FHIP1A: variants seen among roughly 807,000 people sequenced by gnomAD.
FHIP1A encodes FHF complex subunit HOOK interacting protein 1A, also known as FHF complex subunit HOOK-interacting protein 1A.
FHIP1A carries 61 observed loss-of-function variants against 88.6 expected under a neutral mutation model. The ratio of observed to expected loss-of-function variants is 0.69; its 90% CI spans 0.56 to 0.85. The LOEUF (loss-of-function observed/expected upper bound fraction) is 0.85, where lower values mean the gene tolerates loss of function less well. FHIP1A is among the 40% of genes least tolerant of loss of function. FHIP1A has a pLI of 0.00. For missense variants in FHIP1A, 1,154 were observed against 1,273.5 expected (o/e 0.91, Z 1.43); for synonymous variants, 478 against 496.0 (o/e 0.96, Z 0.48).
At chr4:151,602,543 G>A (rs578262381) in intron 7 of FHIP1A, among the ~76,000 whole-genome samples, 28 of 152,264 alleles carry the variant, frequency 1.8e-4, no homozygotes, top group East Asian at 5.8e-4. Flanking sequence ...ACATTGTGCC[G>A]AACCTTGAAG....
chr4:151,448,219 T>C (rs1728675498), intron 1 of FHIP1A, among the ~76,000 whole-genome samples: 1 of 152,098 alleles, frequency 6.6e-6, no homozygotes, highest in South Asian at 2.1e-4. Context: ...GCACCTGGCC[T>C]AGCCTCCAGA....
intron 7 of FHIP1A, among the ~76,000 whole-genome samples, chr4:151,608,961 C>G (rs889870972): frequency 6.6e-6 from 1 of 152,154 alleles, no homozygotes; most frequent in African/African-American, 2.4e-5. Context: ...GTTTCGGCCT[C>G]TAATGTGTGA....
rs1402224590 is a variant in FHIP1A at position 151,665,733 on chromosome 4, G to A, written c.*2979G>A. Among the ~76,000 whole-genome samples, 2 of 152,228 alleles carry A rather than the reference G, an allele frequency of 1.3e-5. No individual in the cohort carries two copies. Among genetic ancestry groups the A allele is most frequent in the Non-Finnish European group, 2.9e-5 (2 of 68,040 alleles). ...CAGGAAAAAAATCATTGGCAATGAA[G>A]TAGAATATTCTGGTCCTAAAGTAAA... On this transcript the variant is annotated 3_prime_UTR_variant, in exon 14 of 14. Transcript: ENST00000435205.
intron 5 of FHIP1A, among the ~76,000 whole-genome samples, chr4:151,584,357 C>T (rs148733138): frequency 6.6e-6 from 1 of 152,248 alleles, no homozygotes; most frequent in African/African-American, 2.4e-5. Flanking sequence ...ATGATTGCTA[C>T]ACAGAGGGAT....
At chr4:151,533,299 C>T (rs1044957032) in intron 3 of FHIP1A, among the ~76,000 whole-genome samples, 2 of 151,766 alleles carry the variant, frequency 1.3e-5, no homozygotes. Flanking sequence ...GGCTGGTGGT[C>T]GGGGTTGGGG....
intron 7 of FHIP1A, among the ~76,000 whole-genome samples, chr4:151,598,108 A>C (rs1734720222): frequency 6.6e-6 from 1 of 151,896 alleles, no homozygotes; most frequent in African/African-American, 2.4e-5. Context: ...CAGCTAGCTC[A>C]GTGTCTGCCC....
At chr4:151,461,896 G>T (rs1011656333) in intron 2 of FHIP1A, among the ~76,000 whole-genome samples, 2 of 152,216 alleles carry the variant, frequency 1.3e-5, no homozygotes, top group African/African-American at 4.8e-5. Flanking sequence ...AGGCACAGTG[G>T]CTTACGCCTG....
chr4:151,595,157 G>A (rs190976450), intron 7 of FHIP1A, among the ~76,000 whole-genome samples: 94 of 152,236 alleles, frequency 6.2e-4, no homozygotes, highest in Admixed American at 7.2e-4. Context: ...TTTCCTGTGG[G>A]CATTTAGTAC....
At chr4:151,440,746 A>G (rs369789015) in intron 1 of FHIP1A, among the ~76,000 whole-genome samples, 2 of 152,244 alleles carry the variant, frequency 1.3e-5, no homozygotes, top group African/African-American at 4.8e-5. Flanking sequence ...TCAAGTTACC[A>G]AAATTTATTA....
At position 151,566,382 on chromosome 4, in the gene FHIP1A, C is replaced by CT. The variant is rs1176572136; in HGVS notation, c.105+25dup. ...GGGCACAGGTAATGTATGAATTCCA[C>CT]TTTTTTTGCTGGTCTCAGTAACCCC... is the stretch of plus-strand genomic sequence containing the variant. On this transcript the variant is annotated intron_variant, in intron 4 of 13. Transcript: ENST00000435205. The CT allele has an allele frequency of 1.4e-6, 2 of 1,476,512 alleles. No homozygotes were observed. The highest frequency in any genetic ancestry group is 9.3e-7 in the Non-Finnish European group (1 of 1,078,834). The allele number at this position is 1,476,512 out of a possible 1,614,324, so 91.5% of individuals were successfully genotyped here. A position where few individuals can be genotyped will look rare whatever the true frequency, so the allele number is the denominator to read the frequency against.
intron 3 of FHIP1A, among the ~76,000 whole-genome samples, chr4:151,529,960 G>C (rs1234306529): frequency 6.6e-6 from 1 of 152,114 alleles, no homozygotes; most frequent in Non-Finnish European, 1.5e-5. Flanking sequence ...CTTATTCTTG[G>C]AGAGGCTGTA....
intron 3 of FHIP1A, among the ~76,000 whole-genome samples, chr4:151,552,478 A>G (rs1458295872): frequency 2.0e-5 from 3 of 152,236 alleles, no homozygotes; most frequent in Non-Finnish European, 4.4e-5. Context: ...CATATACACC[A>G]TGGAATACTA....
At chr4:151,545,139 G>A (rs1732443650) in intron 3 of FHIP1A, among the ~76,000 whole-genome samples, 2 of 152,080 alleles carry the variant, frequency 1.3e-5, no homozygotes, top group South Asian at 4.1e-4. Flanking sequence ...AGAGCAGTTG[G>A]TTTCCCAGAA....
chr4:151,609,269 A>G (rs996155681), intron 7 of FHIP1A, among the ~76,000 whole-genome samples: 3 of 152,174 alleles, frequency 2.0e-5, no homozygotes, highest in African/African-American at 7.2e-5. Context: ...AGTGCTCCTT[A>G]TAATTTGAAG....
At position 151,486,009 on chromosome 4, in the gene FHIP1A, CTG is replaced by C. The variant is rs563025900; in HGVS notation, c.-123+3363_-123+3364del. On this transcript the variant is annotated intron_variant, in intron 3 of 13. Coordinates refer to ENST00000435205, the MANE Select transcript of FHIP1A (RefSeq NM_001109977.3). ...GGGATGGCGTGGCTTGAGAATGAAA[CTG>C]TTCCATCTGAGATCATCAGGCGTTA... Among the ~76,000 whole-genome samples the C allele has an allele frequency of 9.8e-5, 15 of 152,318 alleles. No individual in the cohort carries two copies. In the South Asian group the frequency reaches 3.1e-3, roughly 32 times the overall value.
chr4:151,453,276 A>C (rs7679642), intron 1 of FHIP1A, among the ~76,000 whole-genome samples: 53,421 of 151,998 alleles, frequency 0.35, 10,000 homozygotes, highest in Non-Finnish European at 0.43. Flanking sequence ...TTGGCCTCCC[A>C]AAATGCTGGG....
At chr4:151,503,370 A>T (rs924003224) in intron 3 of FHIP1A, among the ~76,000 whole-genome samples, 3 of 152,176 alleles carry the variant, frequency 2.0e-5, no homozygotes, top group Non-Finnish European at 4.4e-5. Flanking sequence ...TTGTCTCAGG[A>T]TATTCTCCAT....
chr4:151,570,853 A>G (rs1733574962), intron 4 of FHIP1A, among the ~76,000 whole-genome samples: 2 of 152,210 alleles, frequency 1.3e-5, no homozygotes, highest in African/African-American at 2.4e-5. Context: ...ACATTGTATA[A>G]TTTGTCACCG....
intron 3 of FHIP1A, among the ~76,000 whole-genome samples, chr4:151,539,293 T>G (rs1732182733): frequency 6.6e-6 from 1 of 152,102 alleles, no homozygotes; most frequent in Non-Finnish European, 1.5e-5. Flanking sequence ...TATAGTACAG[T>G]AGACGTGGCC....
Sources: allele counts gnomAD v4.1 joint callset (sites outside exome capture counted in the v4.1 genomes callset), GRCh38; gene constraint gnomAD v4.1.1; transcripts MANE v1.5; gene names NCBI Gene and HGNC (gene_info 2026-07-23, HGNC 2026-07-21).